Variants in SOAT2 observed in about 807,000 individuals in gnomAD.
SOAT2 encodes the protein ACAT-2.
In SOAT2, 87 loss-of-function variants were observed where a neutral mutation model predicts 76.0. The observed-to-expected ratio is 1.14, with a 90% CI of 0.96 to 1.37. SOAT2 has a LOEUF of 1.37. Ranked by LOEUF, SOAT2 falls within the 40% of genes most tolerant of loss-of-function variation. The pLI is 0.00. For missense variants in SOAT2, 686 were observed against 682.1 expected (o/e 1.01, Z -0.06); for synonymous variants, 285 against 275.4 (o/e 1.03, Z -0.34).
chr12:53,106,009 G>A lies in SOAT2; in HGVS notation c.438G>A (p.Glu146=). Residue 146 remains glutamate (E), a synonymous_variant, in exon 5 of 15, where the codon GAG becomes GAA. Transcript: ENST00000301466. ...ISTLAIDFID[E]GRLLLEFDLL... is the part of the protein sequence containing the mutation. ...CCCTGGCCATCGACTTCATTGATGAGGGCAGGTAGGTCCCCTTCCCACCTG... is the reference window on the plus strand; with the variant it reads ...CCCTGGCCATCGACTTCATTGATGAAGGCAGGTAGGTCCCCTTCCCACCTG... 1.2e-6 allele frequency: 2 copies of A among 1,611,530 alleles called. No individual in the cohort carries two copies. The highest frequency in any genetic ancestry group is 1.7e-6 in the Non-Finnish European group (2 of 1,177,830).
rs747902903 is a variant in SOAT2 at position 53,119,209 on chromosome 12, G to A, written c.995G>A (p.Ser332Asn). 2 of 1,614,144 alleles carry A rather than the reference G, an allele frequency of 1.2e-6. No individual in the cohort carries two copies. Among genetic ancestry groups the A allele is most frequent in the Middle Eastern group, 1.6e-4 (1 of 6,062 alleles). Residue 332 changes from serine to asparagine, a missense_variant, in exon 10 of 15, where the codon AGC becomes AAC. Ser to Asn is a conservative substitution (Grantham distance 46, BLOSUM62 1). Coordinates refer to ENST00000301466, the MANE Select transcript of SOAT2 (RefSeq NM_003578.4). ...GCCAACATGAGCCGAGAGCCCTTCA[G>A]CACCCGTGCCCTGGTGCTCTCTATC... Reference protein sequence around the residue: ...VFANMSREPFSTRALVLSILH... With the variant: ...VFANMSREPFNTRALVLSILH...
At chr12:53,121,464 C>A in intron 12 of SOAT2, 63 bp downstream of exon 12, 1 of 1,335,100 alleles carries the variant, frequency 7.5e-7, no homozygotes, top group Non-Finnish European at 1.1e-6. Flanking sequence ...CCTTCCCTCT[C>A]CTTCCCTCCT....
At chr12:53,117,386 T>C (rs1480490791) in intron 7 of SOAT2, among the ~76,000 whole-genome samples, 1 of 149,146 alleles carries the variant, frequency 6.7e-6, no homozygotes, top group Non-Finnish European at 1.5e-5. Context: ...ATTACAGGAG[T>C]GAGCCATTGA....
chr12:53,116,521 C>G (rs1359195541), intron 7 of SOAT2, among the ~76,000 whole-genome samples: 1 of 152,174 alleles, frequency 6.6e-6, no homozygotes, highest in Non-Finnish European at 1.5e-5. Flanking sequence ...GGCACTGGCT[C>G]CAACTTAAAG....
At chr12:53,118,253 TC>T in intron 7 of SOAT2, 96 bp from the exon 8 acceptor site, 1 of 495,618 alleles carries the variant, frequency 2.0e-6, no homozygotes, top group South Asian at 1.9e-5. Flanking sequence ...CCTATCCATT[TC>T]TCCACTCACC....
chr12:53,123,007 G>T, intron 12 of SOAT2, 74 bp from the exon 13 acceptor site: 1 of 1,444,084 alleles, frequency 6.9e-7, no homozygotes, highest in Non-Finnish European at 9.1e-7. Flanking sequence ...GGCCGGGCGG[G>T]GGGCTGGAGG....
At chr12:53,112,925 G>A (rs1405324978) in intron 5 of SOAT2, among the ~76,000 whole-genome samples, 3 of 151,508 alleles carry the variant, frequency 2.0e-5, no homozygotes, top group Admixed American at 2.0e-4. Context: ...GATTACAGAC[G>A]TCCGCCACCA....
At chr12:53,123,322 G>A in intron 13 of SOAT2, 106 bp downstream of exon 13, 3 of 1,410,666 alleles carry the variant, frequency 2.1e-6, no homozygotes, top group Admixed American at 1.8e-5. Context: ...CCCAGGCCTG[G>A]AGGCAAGGCT....
intron 5 of SOAT2, among the ~76,000 whole-genome samples, chr12:53,114,567 A>C (rs1328171253): frequency 6.6e-6 from 1 of 152,182 alleles, no homozygotes; most frequent in African/African-American, 2.4e-5. Flanking sequence ...CTGAAAAAAA[A>C]AAAATTAGCC....
At chr12:53,110,087 T>C (rs1937990508) in intron 5 of SOAT2, among the ~76,000 whole-genome samples, 1 of 152,248 alleles carries the variant, frequency 6.6e-6, no homozygotes, top group South Asian at 2.1e-4. Flanking sequence ...ACAATCCTTT[T>C]ACCTTTTAAT....
At chr12:53,118,813 C>T (rs1938143955) in intron 8 of SOAT2, 77 bp from the exon 9 acceptor site, 1 of 1,525,448 alleles carries the variant, frequency 6.6e-7, no homozygotes, top group Non-Finnish European at 9.1e-7. Flanking sequence ...GGAGAGAGGG[C>T]CCCAGAACCC....
At position 53,105,781 on chromosome 12, in the gene SOAT2, G is replaced by T. The variant is rs947549436; in HGVS notation, c.336-126G>T. On this transcript the variant is annotated intron_variant, in intron 4 of 14. Coordinates refer to ENST00000301466, the MANE Select transcript of SOAT2 (RefSeq NM_003578.4). ...CCTATTTGCCCTAGGCATGGTTGTG[G>T]AAGAAAGGCCTTTAGCTGGAAGTTC... 1.7e-5 allele frequency: 16 copies of T among 947,320 alleles called. No homozygotes were observed. In the Middle Eastern group the frequency reaches 6.5e-4, roughly 38 times the overall value. The allele number at this position is 947,320 out of a possible 1,614,324, so 58.7% of individuals were successfully genotyped here.
chr12:53,119,494 C>T (rs942163587), intron 10 of SOAT2, among the ~76,000 whole-genome samples: 1 of 152,144 alleles, frequency 6.6e-6, no homozygotes, highest in Non-Finnish European at 1.5e-5. Flanking sequence ...CTACCCCTAA[C>T]ACTGCTGCCC....
Position 53,105,553 on chromosome 12 carries a change from CA to C in SOAT2, c.276-6del, listed in dbSNP as rs925399696. Reference sequence around the variant, plus strand: ...TTTTCCTGACCCTGAACAAACATCTCAATTCAGGACCCAGGAGCCATCCCTG... The same window carrying C: ...TTTTCCTGACCCTGAACAAACATCTCATTCAGGACCCAGGAGCCATCCCTG... On this transcript the variant is annotated splice_polypyrimidine_tract_variant and splice_region_variant and intron_variant, in intron 3 of 14. Coordinates refer to ENST00000301466, the MANE Select transcript of SOAT2 (RefSeq NM_003578.4). The C allele has an allele frequency of 3.7e-6, 6 of 1,610,064 alleles. No individual in the cohort carries two copies. The highest frequency in any genetic ancestry group is 4.2e-6 in the Non-Finnish European group (5 of 1,177,710).
At chr12:53,122,732 C>A (rs942389741) in intron 12 of SOAT2, among the ~76,000 whole-genome samples, 2 of 152,190 alleles carry the variant, frequency 1.3e-5, no homozygotes, top group Non-Finnish European at 2.9e-5. Context: ...ATGTCTATTT[C>A]TTTCTACACA....
intron 2 of SOAT2, among the ~76,000 whole-genome samples, 189 bp downstream of exon 2, chr12:53,104,395 G>A (rs10876404): frequency 0.089 from 13,483 of 150,990 alleles, 1,621 homozygotes; most frequent in African/African-American, 0.28. Context: ...AGGTTCAAGC[G>A]AGTAGCTGAA....
Position 53,119,192 on chromosome 12 carries a change from G to A in SOAT2, c.978G>A (p.Met326Ile). ...GRLCVPVFANMSREPFSTRAL... is the reference protein window; with the variant it reads ...GRLCVPVFANISREPFSTRAL... Reference sequence around the variant, plus strand: ...TCTGTGTTCCTGTCTTTGCCAACATGAGCCGAGAGCCCTTCAGCACCCGTG... The same window carrying A: ...TCTGTGTTCCTGTCTTTGCCAACATAAGCCGAGAGCCCTTCAGCACCCGTG... The change falls in exon 10 of 15, where the codon ATG (methionine) becomes ATA (isoleucine). Residue 326 changes from methionine to isoleucine, a missense_variant. Physicochemically the swap from Met to Ile is conservative, Grantham distance 10. Transcript: ENST00000301466. 1.2e-6 allele frequency: 2 copies of A among 1,614,076 alleles called. No homozygotes were observed. The highest frequency in any genetic ancestry group is 1.7e-6 in the Non-Finnish European group (2 of 1,180,002).
At chr12:53,122,677 G>A (rs986541111) in intron 12 of SOAT2, among the ~76,000 whole-genome samples, 15 of 151,962 alleles carry the variant, frequency 9.9e-5, no homozygotes, top group Admixed American at 9.8e-4. Context: ...AGGATCCCAA[G>A]GCAGAAGAAT....
intron 1 of SOAT2, 80 bp from the exon 2 acceptor site, chr12:53,104,071 A>G: frequency 1.7e-6 from 2 of 1,205,080 alleles, no homozygotes; most frequent in Admixed American, 1.7e-5. Flanking sequence ...CACACAAAGC[A>G]TTTCCTGACC....
Sources: gnomAD v4.1 joint callset for allele counts (sites outside exome capture counted in the v4.1 genomes callset) on GRCh38, gnomAD v4.1.1 for gene constraint, MANE v1.5 for transcripts, NCBI Gene and HGNC (gene_info 2026-07-23, HGNC 2026-07-21) for gene names.